The following DENND3 variants were observed in gnomAD, a reference collection of about 807,000 sequenced individuals.
DENND3 encodes the protein DENN domain-containing protein 3.
In DENND3, 88 loss-of-function variants were observed where a neutral mutation model predicts 135.1. That is an observed-to-expected ratio of 0.65 (90% CI 0.55 to 0.78). The LOEUF (loss-of-function observed/expected upper bound fraction) is 0.78, where lower values mean the gene tolerates loss of function less well. Among genes scored for constraint, DENND3 ranks in the 30% least tolerant of loss-of-function variants. The pLI, the probability that DENND3 is intolerant of heterozygous loss-of-function variation, is 0.00. For missense variants in DENND3, 1,392 were observed against 1,688.4 expected, an observed-to-expected ratio of 0.82 and a Z score of 3.08; for synonymous variants, 693 against 712.3, an observed-to-expected ratio of 0.97 and a Z score of 0.43.
chr8:141,162,619 T>C (rs988816172), intron 9 of DENND3, among the ~76,000 whole-genome samples: 1 of 152,162 alleles, frequency 6.6e-6, no homozygotes, highest in African/African-American at 2.4e-5. Context: ...GTTTGTAACA[T>C]GATCTGAGGA....
intron 8 of DENND3, among the ~76,000 whole-genome samples, chr8:141,160,357 T>A (rs1054959144): frequency 6.6e-6 from 1 of 152,080 alleles, no homozygotes; most frequent in African/African-American, 2.4e-5. Context: ...TTTTGTATTT[T>A]TAGTAGAGAA....
In DENND3 at chr8:141,179,713, C is replaced by T. The variant is rs1376877236; in HGVS notation, c.2837-1034C>T. ...GTAGCCCGCCAGCCTCGTGCGGAGT[C>T]CTGGTCGACCCCTTGCTGACAGTGT... On this transcript the variant is annotated intron_variant, in intron 16 of 22. Coordinates refer to ENST00000519811, the MANE Select transcript of DENND3 (RefSeq NM_001352890.3). Among the ~76,000 whole-genome samples, 9 of 152,360 alleles carry T rather than the reference C, an allele frequency of 5.9e-5. No homozygotes were observed. The South Asian group carries it at 1.4e-3, about 25-fold the overall frequency.
chr8:141,174,479 T>TTTCCGAGGGGTCGTCCCA lies in DENND3; in HGVS notation c.2276-719_2276-702dup, dbSNP rs1366377000. Reference sequence around the variant, plus strand: ...AGGACCTGCCGGCAGGGACTTGGGATTTCCGAGGGGTCGTCCCATCTCCCG... The same window carrying TTTCCGAGGGGTCGTCCCA: ...AGGACCTGCCGGCAGGGACTTGGGATTTCCGAGGGGTCGTCCCATTCCGAGGGGTCGTCCCATCTCCCG... On this transcript the variant is annotated intron_variant, in intron 13 of 22. Transcript: ENST00000519811. The surrounding 1 kb of genome is among the most constrained non-coding windows in gnomAD (Gnocchi z 4.6). 6.6e-6 allele frequency among the ~76,000 whole-genome samples: 1 copy of TTTCCGAGGGGTCGTCCCA among 152,098 alleles called. No homozygotes were observed. Among genetic ancestry groups the TTTCCGAGGGGTCGTCCCA allele is most frequent in the African/African-American group, 2.4e-5 (1 of 41,422 alleles).
intron 8 of DENND3, among the ~76,000 whole-genome samples, chr8:141,156,202 C>T (rs572720837): frequency 2.6e-5 from 4 of 152,100 alleles, no homozygotes; most frequent in East Asian, 1.9e-4. Context: ...CACGTTCAAG[C>T]GATTCTCCTG....
chr8:141,128,945 C>A lies in DENND3; in HGVS notation c.102+136C>A. The A allele has an allele frequency of 1.6e-6, 1 of 632,734 alleles. No individual in the cohort carries two copies. Among genetic ancestry groups the A allele is most frequent in the Non-Finnish European group, 2.4e-6 (1 of 422,864 alleles). 39.2% of individuals were successfully genotyped at this position (632,734 alleles called of 1,614,324 possible). Reference sequence around the variant, plus strand: ...CTGAGTCCCGGTCCCCCGGCGGTGACCCCGCGCGCCTGTGGCCGGGGATCG... The same window carrying A: ...CTGAGTCCCGGTCCCCCGGCGGTGAACCCGCGCGCCTGTGGCCGGGGATCG... On this transcript the variant is annotated intron_variant, in intron 1 of 22. Transcript: ENST00000519811. This position sits in a 1 kb window ranked among gnomAD's most constrained non-coding sequence, Gnocchi z 4.5.
In DENND3 at chr8:141,141,043, G is replaced by A. The variant is rs1251513107; in HGVS notation, c.502-160G>A. ...GGTGCAAGCACCAAATAGGGACCCC[G>A]TAGACTTCGACCGGAGGGCCGGTGC... On this transcript the variant is annotated intron_variant, in intron 3 of 22. Transcript: ENST00000519811. The surrounding 1 kb of genome is among the most constrained non-coding windows in gnomAD (Gnocchi z 5.3). Among the ~76,000 whole-genome samples the A allele has an allele frequency of 2.0e-5, 3 of 152,232 alleles. No homozygotes were observed. Among genetic ancestry groups the A allele is most frequent in the Admixed American group, 1.3e-4 (2 of 15,280 alleles).
At chr8:141,173,031 G>A (rs1297190272) in intron 13 of DENND3, among the ~76,000 whole-genome samples, 1 of 151,158 alleles carries the variant, frequency 6.6e-6, no homozygotes, top group Middle Eastern at 3.5e-3. Context: ...GGTGGCTGAG[G>A]CACCCCAGTC....
At chr8:141,190,667 A>G (rs889322742) in intron 20 of DENND3, 4 of 464,910 alleles carry the variant, frequency 8.6e-6, no homozygotes, top group East Asian at 8.2e-5. Flanking sequence ...TGGACGCACC[A>G]CTGCTCTCCT....
chr8:141,181,766 T>C (rs1823147410), intron 17 of DENND3, among the ~76,000 whole-genome samples: 1 of 150,376 alleles, frequency 6.6e-6, no homozygotes, highest in Non-Finnish European at 1.5e-5. Context: ...AGATTTGTAT[T>C]TTTTGTGTAT....
At chr8:141,172,078 G>T (rs1212365293) in intron 13 of DENND3, among the ~76,000 whole-genome samples, 1 of 150,144 alleles carries the variant, frequency 6.7e-6, no homozygotes, top group East Asian at 2.0e-4. Flanking sequence ...GCTGCATAGG[G>T]TGGGTGTGCG....
intron 3 of DENND3, among the ~76,000 whole-genome samples, chr8:141,140,784 C>A (rs1310318529): frequency 6.6e-6 from 1 of 152,226 alleles, no homozygotes; most frequent in Non-Finnish European, 1.5e-5. Flanking sequence ...TTCTAGAACC[C>A]TGCGGCCGTG....
In DENND3 at chr8:141,178,159, C is replaced by G. The variant is rs144619326; in HGVS notation, c.2799C>G (p.Ala933=). ...AGTCACCAGGCGCCATCTACGCTGC[C>G]TCCAAGTTATCCTACTTTGATAAGA... ...TLQSPGAIYA[A]SKLSYFDKMS... Residue 933 remains alanine, a synonymous_variant, in exon 16 of 23, where the codon GCC becomes GCG. Coordinates refer to ENST00000519811, the MANE Select transcript of DENND3 (RefSeq NM_001352890.3). The G allele has an allele frequency of 2.5e-6, 4 of 1,613,322 alleles. No individual in the cohort carries two copies. Among genetic ancestry groups the G allele is most frequent in the Non-Finnish European group, 3.4e-6 (4 of 1,179,220 alleles).
intron 18 of DENND3, among the ~76,000 whole-genome samples, chr8:141,186,679 A>G (rs757489837): frequency 1.3e-5 from 2 of 152,212 alleles, no homozygotes; most frequent in African/African-American, 2.4e-5. Context: ...TAATTTTAAA[A>G]CAAGTGCAAC....
chr8:141,169,874 T>G (rs1237700638), intron 13 of DENND3, among the ~76,000 whole-genome samples: 1 of 152,242 alleles, frequency 6.6e-6, no homozygotes, highest in African/African-American at 2.4e-5. Flanking sequence ...CTGTATGTAG[T>G]GTGTGGGCAC....
intron 6 of DENND3, among the ~76,000 whole-genome samples, 185 bp downstream of exon 6, chr8:141,151,138 C>G (rs1818753684): frequency 6.6e-6 from 1 of 152,120 alleles, no homozygotes; most frequent in Non-Finnish European, 1.5e-5. Flanking sequence ...CAAATGGCAC[C>G]CTTTGCAGAG....
intron 5 of DENND3, 129 bp from the exon 6 acceptor site, chr8:141,150,705 G>A (rs1384023236): frequency 9.2e-6 from 11 of 1,195,970 alleles, no homozygotes; most frequent in Admixed American, 5.5e-5. Flanking sequence ...AGAATTTAAC[G>A]TGGCAGCCTG....
intron 16 of DENND3, among the ~76,000 whole-genome samples, chr8:141,179,382 G>C (rs1449431789): frequency 6.6e-6 from 1 of 152,172 alleles, no homozygotes; most frequent in South Asian, 2.1e-4. Context: ...AATCTCTGTC[G>C]GGCGTTTACA....
chr8:141,194,887 G>A lies in DENND3; in HGVS notation c.*654G>A, dbSNP rs995807940. ...TTTTTCCCTTTTCTTTTTAATAGAT[G>A]CAACATTTTTATAATAATCCTAGAG... On this transcript the variant is annotated 3_prime_UTR_variant, in exon 23 of 23. Transcript: ENST00000519811. 2 of 152,192 alleles carry A rather than the reference G, an allele frequency of 1.3e-5. No individual in the cohort carries two copies. Among genetic ancestry groups the A allele is most frequent in the Non-Finnish European group, 2.9e-5 (2 of 68,046 alleles). The allele number at this position is 152,192 out of a possible 1,614,324, so 9.4% of individuals were successfully genotyped here. A position where few individuals can be genotyped will look rare whatever the true frequency, so the allele number is the denominator to read the frequency against.
intron 7 of DENND3, among the ~76,000 whole-genome samples, chr8:141,153,688 C>A (rs570581283): frequency 6.6e-6 from 1 of 152,368 alleles, no homozygotes; most frequent in Non-Finnish European, 1.5e-5. Flanking sequence ...AGGCAGACCT[C>A]TGTGGAAGGA....
Sources: gnomAD v4.1 joint callset for allele counts (sites outside exome capture counted in the v4.1 genomes callset) on GRCh38, gnomAD v4.1.1 for gene constraint, Gnocchi (gnomAD v3.1) non-coding constraint, MANE v1.5 for transcripts, NCBI Gene and HGNC (gene_info 2026-07-23, HGNC 2026-07-21) for gene names.